GRTP1: variants seen among roughly 807,000 people sequenced by gnomAD.
GRTP1 encodes growth hormone regulated TBC protein 1, also known as growth hormone-regulated TBC protein 1.
In GRTP1, 56 loss-of-function variants were observed where a neutral mutation model predicts 38.1. The ratio of observed to expected loss-of-function variants is 1.47; its 90% CI spans 1.19 to 1.84. The LOEUF is 1.84. Among genes scored for constraint, GRTP1 ranks in the 40% most tolerant of loss-of-function variants. The pLI, the probability that GRTP1 is intolerant of heterozygous loss-of-function variation, is 0.00. For synonymous variants in GRTP1, 217 were observed against 189.5 expected (o/e 1.14, Z -1.19); for missense variants, 506 against 453.9 (o/e 1.11, Z -1.04).
At position 113,341,446 on chromosome 13, in the gene GRTP1, T is replaced by C. The variant is rs1226862461; in HGVS notation, c.562+3417A>G. 2.0e-5 allele frequency among the ~76,000 whole-genome samples: 3 copies of C among 152,162 alleles called. No homozygotes were observed. The East Asian group carries it at 5.8e-4, about 29-fold the overall frequency. On this transcript the variant is annotated intron_variant, in intron 5 of 7. Transcript: ENST00000375431. ...CACGCCCAGCTAATTTTTGTATTTTTAGTAGAGATGGGGTTTCACCATGTT... is the reference window on the plus strand; with the variant it reads ...CACGCCCAGCTAATTTTTGTATTTTCAGTAGAGATGGGGTTTCACCATGTT...
chr13:113,331,952 T>G (rs2042877375), intron 5 of GRTP1, among the ~76,000 whole-genome samples: 1 of 150,306 alleles, frequency 6.7e-6, no homozygotes, highest in Non-Finnish European at 1.5e-5. Context: ...CCACCATGCC[T>G]AGCCTTTTGT....
chr13:113,360,179 G>T (rs577306899), intron 2 of GRTP1: 1 of 152,180 alleles, frequency 6.6e-6, no homozygotes, highest in African/African-American at 2.4e-5. Flanking sequence ...GTCTATTCTC[G>T]AGATGGAGAA....
chr13:113,330,827 G>A (rs1595476475), intron 5 of GRTP1, among the ~76,000 whole-genome samples: 2 of 86 alleles, frequency 0.023, 1 homozygote. Flanking sequence ...GTGTGCATGG[G>A]AGCCCAGGTG....
At chr13:113,344,125 A>T (rs76786404) in intron 5 of GRTP1, among the ~76,000 whole-genome samples, 9,726 of 152,330 alleles carry the variant, frequency 0.064, 868 homozygotes, top group African/African-American at 0.2. Context: ...TATATAGCGC[A>T]ATTATTATGC....
chr13:113,325,256 C>G (rs1387136190), intron 7 of GRTP1: 2 of 1,239,332 alleles, frequency 1.6e-6, no homozygotes, highest in Non-Finnish European at 2.0e-6. Context: ...GCCTGAGCCT[C>G]TCCTGGCGTC....
At chr13:113,350,524 A>G in intron 4 of GRTP1, among the ~76,000 whole-genome samples, 1 of 145,890 alleles carries the variant, frequency 6.9e-6, no homozygotes, top group Non-Finnish European at 1.5e-5. Context: ...TACACACCCC[A>G]CAGCACACAC....
Position 113,350,977 on chromosome 13 carries a change from T to C in GRTP1, c.341-4A>G, listed in dbSNP as rs2139497348. On this transcript the variant is annotated splice_polypyrimidine_tract_variant and splice_region_variant and intron_variant, in intron 3 of 7. Coordinates refer to ENST00000375431, the MANE Select transcript of GRTP1 (RefSeq NM_024719.4). ...TCGGGGAAGGTCCGGTTCAGGTCTG[T>C]GGGAAATTCAGAAGGAATCACCCAC... is the stretch of plus-strand genomic sequence containing the variant. The C allele has an allele frequency of 6.2e-7, 1 of 1,613,720 alleles. No individual in the cohort carries two copies. Among genetic ancestry groups the C allele is most frequent in the Non-Finnish European group, 8.5e-7 (1 of 1,179,674 alleles).
intron 4 of GRTP1, among the ~76,000 whole-genome samples, chr13:113,347,446 G>A (rs368057410): frequency 1.3e-4 from 12 of 92,756 alleles, no homozygotes; most frequent in East Asian, 5.4e-4. Context: ...GTGGCTGAGA[G>A]CAGACCCAGG....
At position 113,364,120 on chromosome 13, in the gene GRTP1, TA is replaced by T. The variant is rs1310084295; in HGVS notation, c.-70del. On this transcript the variant is annotated 5_prime_UTR_variant, in exon 1 of 8. Coordinates refer to ENST00000375431, the MANE Select transcript of GRTP1 (RefSeq NM_024719.4). ...GTTCGCCTCCCGGCTCCGGGGCGCT[TA>T]AGTCCTTCCGGCGGGACCGCGGGCG... The T allele has an allele frequency of 1.7e-6, 2 of 1,164,256 alleles. No individual in the cohort carries two copies. Among genetic ancestry groups the T allele is most frequent in the Admixed American group, 9.7e-5 (2 of 20,686 alleles). 72.1% of individuals were successfully genotyped at this position (1,164,256 alleles called of 1,614,324 possible).
At position 113,343,197 on chromosome 13, in the gene GRTP1, T is replaced by C. The variant is rs1221191146; in HGVS notation, c.562+1666A>G. ...AGGCTGTGAGCCCGTTTCCATGTCC[T>C]ACCAATCCCACATTTGGATGTCTCC... On this transcript the variant is annotated intron_variant, in intron 5 of 7. Transcript: ENST00000375431. The surrounding 1 kb of genome is among the most constrained non-coding windows in gnomAD (Gnocchi z 4.8). 6.6e-6 allele frequency among the ~76,000 whole-genome samples: 1 copy of C among 152,206 alleles called. No homozygotes were observed. The highest frequency in any genetic ancestry group is 1.9e-4 in the East Asian group (1 of 5,196).
At chr13:113,329,329 G>GGCAAAAACTGGAAGCATT in intron 5 of GRTP1, among the ~76,000 whole-genome samples, 1 of 152,198 alleles carries the variant, frequency 6.6e-6, no homozygotes. Flanking sequence ...TGTAATCGCA[G>GGCAAAAACTGGAAGCATT]CACTTTGGGA....
At chr13:113,356,546 G>A (rs60194586) in intron 2 of GRTP1, among the ~76,000 whole-genome samples, 41,755 of 151,974 alleles carry the variant, frequency 0.27, 6,324 homozygotes, top group East Asian at 0.61. Flanking sequence ...GATTACAGGC[G>A]TGAGCCACCA....
At chr13:113,328,295 C>G (rs1390536112) in intron 5 of GRTP1, among the ~76,000 whole-genome samples, 1 of 152,222 alleles carries the variant, frequency 6.6e-6, no homozygotes, top group East Asian at 1.9e-4. Flanking sequence ...CTCTGACACT[C>G]CCCTGCACAC....
intron 2 of GRTP1, among the ~76,000 whole-genome samples, chr13:113,362,202 C>T (rs1385510106): frequency 7.7e-6 from 1 of 129,462 alleles, no homozygotes; most frequent in African/African-American, 2.8e-5. Context: ...TAGTGGTGTG[C>T]ACCTGTAATC....
intron 2 of GRTP1, among the ~76,000 whole-genome samples, chr13:113,358,109 G>C (rs2043428994): frequency 6.6e-6 from 1 of 152,178 alleles, no homozygotes; most frequent in Non-Finnish European, 1.5e-5. Context: ...TTGAACCTGG[G>C]AGGCGGAGGT....
At chr13:113,356,345 G>A (rs919617960) in intron 2 of GRTP1, among the ~76,000 whole-genome samples, 5 of 152,048 alleles carry the variant, frequency 3.3e-5, no homozygotes, top group African/African-American at 1.2e-4. Context: ...TTGGCTCACT[G>A]TAACCTCTGC....
At chr13:113,357,982 C>G (rs1595514744) in intron 2 of GRTP1, among the ~76,000 whole-genome samples, 1 of 152,138 alleles carries the variant, frequency 6.6e-6, no homozygotes, top group East Asian at 1.9e-4. Context: ...AGTTCAAGAT[C>G]AGCCTGACCA....
chr13:113,356,867 C>G (rs1337813290), intron 2 of GRTP1, among the ~76,000 whole-genome samples: 2 of 152,294 alleles, frequency 1.3e-5, no homozygotes, highest in African/African-American at 4.8e-5. Flanking sequence ...AGGACAGGCC[C>G]TTGTCTGTCC....
chr13:113,325,652 C>G lies in GRTP1; in HGVS notation c.921+9G>C. 6.2e-7 allele frequency: 1 copy of G among 1,603,578 alleles called. No homozygotes were observed. Among genetic ancestry groups the G allele is most frequent in the Non-Finnish European group, 8.5e-7 (1 of 1,179,996 alleles). On this transcript the variant is annotated intron_variant, in intron 7 of 7. Coordinates refer to ENST00000375431, the MANE Select transcript of GRTP1 (RefSeq NM_024719.4). The stretch of plus-strand genomic sequence containing the variant: ...GGGAGGGGACTGAGCCACGTGCAGC[C>G]CCACACACCTGCATAAACGTGTGAC...
Sources: allele counts gnomAD v4.1 joint callset (sites outside exome capture counted in the v4.1 genomes callset), GRCh38; gene constraint gnomAD v4.1.1; non-coding constraint Gnocchi (gnomAD v3.1); transcripts MANE v1.5; gene names NCBI Gene and HGNC (gene_info 2026-07-23, HGNC 2026-07-21).